Variants in CDH4 observed in about 807,000 individuals in gnomAD.
CDH4 encodes cadherin 4.
A neutral mutation model predicts 86.0 loss-of-function variants in CDH4; 33 were observed. That is an observed-to-expected ratio of 0.38 (90% confidence interval 0.29 to 0.51). The LOEUF is 0.51. Among genes scored for constraint, CDH4 ranks in the 20% least tolerant of loss-of-function variants. CDH4 has a pLI of 0.86. For synonymous variants in CDH4, 555 were observed against 549.4 expected, an observed-to-expected ratio of 1.01 and a Z score of -0.14; for missense variants, 1,114 against 1,307.4, an observed-to-expected ratio of 0.85 and a Z score of 2.28.
At chr20:61,523,114 A>C (rs536302231) in intron 2 of CDH4, among the ~76,000 whole-genome samples, 20 of 152,322 alleles carry the variant, frequency 1.3e-4, no homozygotes, top group African/African-American at 4.8e-4. Context: ...GCTGGCCAGC[A>C]CTGTCCATTC....
At chr20:61,540,193 G>A (rs896097929) in intron 2 of CDH4, among the ~76,000 whole-genome samples, 3 of 152,178 alleles carry the variant, frequency 2.0e-5, no homozygotes, top group African/African-American at 4.8e-5. Flanking sequence ...ACGAATGCAC[G>A]GCAGCGTCGT....
At chr20:61,699,680 G>A (rs770441131) in intron 2 of CDH4, among the ~76,000 whole-genome samples, 20 of 152,338 alleles carry the variant, frequency 1.3e-4, no homozygotes, top group African/African-American at 3.1e-4. Context: ...TGTCGTTAGC[G>A]TCAAAAGGAA....
intron 2 of CDH4, among the ~76,000 whole-genome samples, chr20:61,278,299 G>A (rs2084241159): frequency 6.6e-6 from 1 of 152,226 alleles, no homozygotes; most frequent in Admixed American, 6.5e-5. Context: ...GTGCTTAAAT[G>A]TGCAGGAATC....
chr20:61,629,069 C>T (rs1046760042), intron 2 of CDH4, among the ~76,000 whole-genome samples: 1 of 152,262 alleles, frequency 6.6e-6, no homozygotes. Flanking sequence ...TCTGCACAGG[C>T]AGGCAGGAGC....
intron 2 of CDH4, among the ~76,000 whole-genome samples, chr20:61,607,813 GTCCT>G (rs1477475677): frequency 6.6e-6 from 1 of 152,206 alleles, no homozygotes; most frequent in Non-Finnish European, 1.5e-5. Flanking sequence ...GGAAGCGGCT[GTCCT>G]TAGTAGCCAA....
intron 2 of CDH4, among the ~76,000 whole-genome samples, chr20:61,556,460 C>G (rs760978360): frequency 2.5e-4 from 38 of 152,298 alleles, no homozygotes; most frequent in Non-Finnish European, 5.3e-4. Context: ...TGCACACAGA[C>G]TTTTGTTAAA....
intron 2 of CDH4, among the ~76,000 whole-genome samples, chr20:61,615,129 G>T (rs199825241): frequency 4.4e-5 from 3 of 68,406 alleles, no homozygotes; most frequent in African/African-American, 1.2e-4. Flanking sequence ...TTGTTTTTTT[G>T]GTTTTTTTTT....
At chr20:61,577,688 G>A (rs1012819984) in intron 2 of CDH4, among the ~76,000 whole-genome samples, 3 of 152,130 alleles carry the variant, frequency 2.0e-5, no homozygotes, top group African/African-American at 7.2e-5. Context: ...TTGAAATGCA[G>A]CCTATGGTTC....
chr20:61,592,794 A>T lies in CDH4; in HGVS notation c.170-150769A>T, dbSNP rs149181934. On this transcript the variant is annotated intron_variant, in intron 2 of 15. Transcript: ENST00000614565. ...CATGTGTCCAGTGTCATTCGTACTC[A>T]CTTTGTTTTTATTGCAGAATCACTT... Among the ~76,000 whole-genome samples, 415 of 152,192 alleles carry T rather than the reference A, an allele frequency of 2.7e-3. 1 individual carries two copies. Among genetic ancestry groups the T allele is most frequent in the African/African-American group, 9.7e-3 (401 of 41,520 alleles).
intron 2 of CDH4, among the ~76,000 whole-genome samples, chr20:61,335,941 T>C (rs1454787275): frequency 3.9e-5 from 6 of 152,212 alleles, no homozygotes; most frequent in Admixed American, 6.5e-5. Flanking sequence ...CCCTTATTTA[T>C]GTGGTTTTTT....
intron 2 of CDH4, among the ~76,000 whole-genome samples, chr20:61,522,292 T>C (rs1297177308): frequency 6.6e-6 from 1 of 150,632 alleles, no homozygotes; most frequent in African/African-American, 2.4e-5. Flanking sequence ...CCCAAGCCAG[T>C]GGAGCGGGTG....
At chr20:61,538,502 C>T (rs1171579452) in intron 2 of CDH4, among the ~76,000 whole-genome samples, 2 of 152,236 alleles carry the variant, frequency 1.3e-5, no homozygotes, top group East Asian at 1.9e-4. Flanking sequence ...CCTCTCTCCT[C>T]CTACTCTGTG....
intron 2 of CDH4, among the ~76,000 whole-genome samples, chr20:61,698,153 C>T (rs1209411680): frequency 6.6e-6 from 1 of 152,214 alleles, no homozygotes; most frequent in Non-Finnish European, 1.5e-5. Context: ...TCGGAGGGGT[C>T]CCCTTGCACG....
intron 2 of CDH4, among the ~76,000 whole-genome samples, chr20:61,692,209 CTATGTATG>C (rs757981535): frequency 1.8e-4 from 27 of 147,294 alleles, no homozygotes; most frequent in Admixed American, 8.2e-4. Context: ...GTGTGTATGT[CTATGTATG>C]TATGTGTGTA....
chr20:61,768,060 A>G (rs2088721473), intron 3 of CDH4, among the ~76,000 whole-genome samples: 1 of 152,338 alleles, frequency 6.6e-6, no homozygotes, highest in Admixed American at 6.5e-5. Flanking sequence ...CTCAGCCACC[A>G]GGACCCTCCT....
At chr20:61,469,701 T>C (rs2085491799) in intron 2 of CDH4, among the ~76,000 whole-genome samples, 1 of 152,192 alleles carries the variant, frequency 6.6e-6, no homozygotes, top group African/African-American at 2.4e-5. Context: ...AGGTCTTAGA[T>C]TTAAGTCTTT....
At chr20:61,297,215 G>A (rs1466482783) in intron 2 of CDH4, among the ~76,000 whole-genome samples, 4 of 152,078 alleles carry the variant, frequency 2.6e-5, no homozygotes, top group Non-Finnish European at 5.9e-5. Context: ...GCAAAACCCC[G>A]TCTCTACTAA....
chr20:61,604,750 T>G (rs2145750375), intron 2 of CDH4, among the ~76,000 whole-genome samples: 1 of 152,290 alleles, frequency 6.6e-6, no homozygotes, highest in East Asian at 1.9e-4. Context: ...GGACAAGTCA[T>G]TTGATAAATG....
chr20:61,820,098 C>T (rs935009470), intron 4 of CDH4, among the ~76,000 whole-genome samples: 5 of 152,248 alleles, frequency 3.3e-5, no homozygotes, highest in East Asian at 1.9e-4. Context: ...TCCTGCCTCC[C>T]GCTGTGGCTT....
Sources: gnomAD v4.1 joint callset for allele counts (sites outside exome capture counted in the v4.1 genomes callset) on GRCh38, gnomAD v4.1.1 for gene constraint, MANE v1.5 for transcripts, NCBI Gene and HGNC (gene_info 2026-07-23, HGNC 2026-07-21) for gene names.